The following ITGA8 variants were observed in gnomAD, a reference collection of about 807,000 sequenced individuals.
The protein encoded by ITGA8 is integrin alpha-8.
A neutral mutation model predicts 142.3 loss-of-function variants in ITGA8; 91 were observed. The ratio of observed to expected loss-of-function variants is 0.64; its 90% CI spans 0.54 to 0.76. The LOEUF (loss-of-function observed/expected upper bound fraction) is 0.76. Ranked by LOEUF, ITGA8 falls within the 30% of genes least tolerant of loss-of-function variation. The probability of loss-of-function intolerance (pLI) is 0.00; values close to 1 mark genes in which losing one functional copy is unlikely to be tolerated. For missense variants in ITGA8, 1,406 were observed against 1,327.7 expected (o/e 1.06, Z -0.92); for synonymous variants, 505 against 485.2 (o/e 1.04, Z -0.54).
intron 12 of ITGA8, among the ~76,000 whole-genome samples, chr10:15,644,687 A>G (rs1833945316): frequency 6.6e-6 from 1 of 151,044 alleles, no homozygotes; most frequent in Non-Finnish European, 1.5e-5. Flanking sequence ...TAGTATACTC[A>G]AAAAGCAGTA....
chr10:15,665,851 G>C (rs1051536192), intron 8 of ITGA8, among the ~76,000 whole-genome samples: 1 of 152,166 alleles, frequency 6.6e-6, no homozygotes, highest in East Asian at 1.9e-4. Context: ...ATTTCTGAGG[G>C]CTCTGTTCTG....
chr10:15,633,155 T>C (rs1833713062), intron 13 of ITGA8, among the ~76,000 whole-genome samples: 1 of 152,212 alleles, frequency 6.6e-6, no homozygotes, highest in Non-Finnish European at 1.5e-5. Context: ...TCAAGGCTCT[T>C]TGTTAACTGT....
chr10:15,616,840 AG>A (rs1379581112), intron 13 of ITGA8, among the ~76,000 whole-genome samples: 3 of 152,150 alleles, frequency 2.0e-5, no homozygotes, highest in Non-Finnish European at 4.4e-5. Context: ...CCTATCCTTC[AG>A]GTTCAAGGCA....
intron 2 of ITGA8, among the ~76,000 whole-genome samples, 155 bp downstream of exon 2, chr10:15,718,611 A>T (rs551807957): frequency 1.3e-5 from 2 of 152,290 alleles, no homozygotes; most frequent in African/African-American, 4.8e-5. Context: ...GAGAGTTGAA[A>T]AAACTGATTT....
chr10:15,552,608 A>G (rs1428182160), intron 26 of ITGA8, among the ~76,000 whole-genome samples: 2 of 152,204 alleles, frequency 1.3e-5, no homozygotes, highest in African/African-American at 4.8e-5. Context: ...ATAGGTATAC[A>G]TGTGCCATGG....
At chr10:15,569,677 C>A (rs149895749) in intron 25 of ITGA8, among the ~76,000 whole-genome samples, 62 of 152,270 alleles carry the variant, frequency 4.1e-4, no homozygotes, top group Non-Finnish European at 7.6e-4. Context: ...CCTCAGCCTT[C>A]CGAGTAGCTA....
intron 2 of ITGA8, among the ~76,000 whole-genome samples, chr10:15,694,668 T>C (rs1024990725): frequency 8.3e-5 from 9 of 107,890 alleles, no homozygotes; most frequent in Non-Finnish European, 1.6e-4. Flanking sequence ...ATTATATCTA[T>C]ATTTGTCGAC....
intron 26 of ITGA8, among the ~76,000 whole-genome samples, chr10:15,553,063 C>T (rs1003967362): frequency 2.0e-5 from 3 of 151,976 alleles, no homozygotes; most frequent in East Asian, 1.9e-4. Context: ...TTGAGACCAG[C>T]GTGGCCAATG....
chr10:15,610,314 A>T (rs1427408000), intron 15 of ITGA8, among the ~76,000 whole-genome samples: 2 of 152,216 alleles, frequency 1.3e-5, no homozygotes, highest in Admixed American at 6.5e-5. Flanking sequence ...ATTATATATA[A>T]GCACACATAC....
chr10:15,520,634 G>A (rs1833046208), intron 28 of ITGA8, among the ~76,000 whole-genome samples: 1 of 152,232 alleles, frequency 6.6e-6, no homozygotes, highest in African/African-American at 2.4e-5. Flanking sequence ...CAAAGAAGCT[G>A]CAGATTCCCA....
rs370698289 is a variant in ITGA8 at position 15,607,824 on chromosome 10, C to G, written c.1617G>C (p.Met539Ile). Reference protein sequence around the residue: ...GQSIANTIVLMAEVQLDSLKQ... With the variant: ...GQSIANTIVLIAEVQLDSLKQ... ...TCAGGGAATCTAATTGCACCTCTGC[C>G]ATCAAGACTAAAGGACAGAAGTAAA... The change falls in exon 17 of 30, where the codon ATG becomes ATC. Residue 539 changes from methionine (M) to isoleucine (I), a missense_variant. Physicochemically the swap from Met to Ile is conservative, Grantham distance 10. Transcript: ENST00000378076. 4 of 1,612,206 alleles carry G rather than the reference C, an allele frequency of 2.5e-6. No homozygotes were observed. The highest frequency in any genetic ancestry group is 3.4e-6 in the Non-Finnish European group (4 of 1,179,050).
At chr10:15,521,975 G>C (rs1410927886) in intron 28 of ITGA8, among the ~76,000 whole-genome samples, 1 of 152,210 alleles carries the variant, frequency 6.6e-6, no homozygotes, top group Admixed American at 6.5e-5. Context: ...TGGATGAACA[G>C]AAGTTGGCTG....
chr10:15,707,349 T>C (rs1835278731), intron 2 of ITGA8, among the ~76,000 whole-genome samples: 1 of 152,096 alleles, frequency 6.6e-6, no homozygotes, highest in African/African-American at 2.4e-5. Context: ...TGGAAGAAGA[T>C]GTTGCTGCTT....
intron 21 of ITGA8, among the ~76,000 whole-genome samples, chr10:15,595,774 A>G (rs1833001409): frequency 6.6e-6 from 1 of 152,248 alleles, no homozygotes; most frequent in African/African-American, 2.4e-5. Context: ...ATATTAAATT[A>G]GGCCATTGAG....
At chr10:15,597,048 A>G (rs1833022088) in intron 21 of ITGA8, 159 bp downstream of exon 21, 1 of 639,972 alleles carries the variant, frequency 1.6e-6, no homozygotes, top group Non-Finnish European at 2.8e-6. Flanking sequence ...CACTCTGTGT[A>G]GGTTATAATG....
At chr10:15,533,026 T>G (rs1833343691) in intron 27 of ITGA8, among the ~76,000 whole-genome samples, 4 of 152,098 alleles carry the variant, frequency 2.6e-5, no homozygotes, top group African/African-American at 9.7e-5. Flanking sequence ...CAGTGGCAAA[T>G]GTTACGGATC....
intron 27 of ITGA8, among the ~76,000 whole-genome samples, chr10:15,531,388 A>G (rs142658712): frequency 9.5e-4 from 144 of 152,136 alleles, no homozygotes; most frequent in African/African-American, 3.3e-3. Context: ...CCATCTATCC[A>G]AGCATCCATC....
intron 23 of ITGA8, among the ~76,000 whole-genome samples, chr10:15,584,369 A>G (rs1834477390): frequency 6.6e-6 from 1 of 152,198 alleles, no homozygotes; most frequent in African/African-American, 2.4e-5. Context: ...CAGGAAGAAT[A>G]AAGAGTCAAC....
chr10:15,523,948 A>G (rs1297641033), intron 28 of ITGA8, among the ~76,000 whole-genome samples: 1 of 152,120 alleles, frequency 6.6e-6, no homozygotes. Context: ...AACAAAACAA[A>G]AAAACAAAAA....
Sources: allele counts gnomAD v4.1 joint callset (sites outside exome capture counted in the v4.1 genomes callset), GRCh38; gene constraint gnomAD v4.1.1; transcripts MANE v1.5; gene names NCBI Gene and HGNC (gene_info 2026-07-23, HGNC 2026-07-21).